SNX24: variants seen among roughly 807,000 people sequenced by gnomAD.
SNX24 encodes sorting nexin 24, also known as sorting nexin-24.
In SNX24, 22 loss-of-function variants were observed where a neutral mutation model predicts 28.7. That is an observed-to-expected ratio of 0.77 (90% CI 0.55 to 1.10). The LOEUF is 1.10. Ranked by LOEUF, SNX24 falls within the 50% of genes least tolerant of loss-of-function variation. The probability of loss-of-function intolerance (pLI) is 0.00; values close to 1 mark genes in which losing one functional copy is unlikely to be tolerated. For missense variants in SNX24, 221 were observed against 201.1 expected, an observed-to-expected ratio of 1.10 and a Z score of -0.60; for synonymous variants, 69 against 71.5, an observed-to-expected ratio of 0.96 and a Z score of 0.18.
intron 1 of SNX24, among the ~76,000 whole-genome samples, chr5:122,856,989 C>T (rs1437188445): frequency 6.6e-6 from 1 of 151,798 alleles, no homozygotes; most frequent in Non-Finnish European, 1.5e-5. Context: ...GATGATATGT[C>T]ATTGTTGTTT....
chr5:122,957,036 G>C (rs1332873139), intron 3 of SNX24, among the ~76,000 whole-genome samples: 1 of 152,038 alleles, frequency 6.6e-6, no homozygotes, highest in Non-Finnish European at 1.5e-5. Flanking sequence ...CCATTTGTCT[G>C]TTTTTTCTTT....
intron 1 of SNX24, among the ~76,000 whole-genome samples, chr5:122,876,522 G>A (rs777481002): frequency 2.6e-5 from 4 of 152,164 alleles, no homozygotes; most frequent in Non-Finnish European, 4.4e-5. Context: ...GAAGCAAAGC[G>A]TTTATGTTTA....
At chr5:122,907,442 G>A (rs1324756610) in intron 1 of SNX24, among the ~76,000 whole-genome samples, 1 of 152,166 alleles carries the variant, frequency 6.6e-6, no homozygotes, top group Admixed American at 6.5e-5. Flanking sequence ...ACGGCCCTCA[G>A]GGTAAAGTTT....
At chr5:123,014,333 A>AT (rs70988553) in intron 5 of SNX24, among the ~76,000 whole-genome samples, 12,213 of 76,904 alleles carry the variant, frequency 0.16, 2,529 homozygotes, top group African/African-American at 0.21. Flanking sequence ...TGCCCAGCTG[A>AT]TTTTTTTTTT....
At chr5:122,958,651 A>T (rs958350521) in intron 3 of SNX24, among the ~76,000 whole-genome samples, 1 of 152,040 alleles carries the variant, frequency 6.6e-6, no homozygotes, top group African/African-American at 2.4e-5. Context: ...TTATATGTAG[A>T]ACCATCCTTG....
At chr5:122,858,127 T>C (rs1234062007) in intron 1 of SNX24, among the ~76,000 whole-genome samples, 1 of 152,226 alleles carries the variant, frequency 6.6e-6, no homozygotes, top group African/African-American at 2.4e-5. Context: ...CTATTGTGGA[T>C]AGCCAGCACC....
intron 1 of SNX24, among the ~76,000 whole-genome samples, chr5:122,925,111 C>G (rs139887596): frequency 0.035 from 4,866 of 139,132 alleles, 143 homozygotes; most frequent in East Asian, 0.078. Flanking sequence ...TCTCTCTTCC[C>G]TTCCCCTTTC....
At chr5:122,914,826 G>A (rs1279727913) in intron 1 of SNX24, among the ~76,000 whole-genome samples, 1 of 151,976 alleles carries the variant, frequency 6.6e-6, no homozygotes, top group African/African-American at 2.4e-5. Context: ...TATCAATTTT[G>A]TTGATCCTTT....
intron 2 of SNX24, among the ~76,000 whole-genome samples, chr5:122,942,743 G>A (rs533713496): frequency 5.9e-5 from 9 of 152,210 alleles, no homozygotes; most frequent in South Asian, 2.1e-4. Context: ...GTTAATCATC[G>A]GATGAAGTGA....
chr5:122,934,073 G>T (rs1401327889), intron 1 of SNX24, among the ~76,000 whole-genome samples: 1 of 152,122 alleles, frequency 6.6e-6, no homozygotes, highest in Non-Finnish European at 1.5e-5. Flanking sequence ...GTCTTGTTCA[G>T]TGCTGAATCC....
chr5:122,894,651 A>C (rs960504860), intron 1 of SNX24, among the ~76,000 whole-genome samples: 2 of 152,238 alleles, frequency 1.3e-5, no homozygotes, highest in Non-Finnish European at 2.9e-5. Context: ...GCATTGTCTT[A>C]GGACTGCTAG....
chr5:122,877,546 A>T (rs1756279747), intron 1 of SNX24, among the ~76,000 whole-genome samples: 1 of 152,068 alleles, frequency 6.6e-6, no homozygotes, highest in African/African-American at 2.4e-5. Flanking sequence ...TAAAAAGATA[A>T]ATAAAAAATA....
rs142271557 is a variant in SNX24, at chr5:123,001,243, G to A, written c.345-162G>A. Among the ~76,000 whole-genome samples, 7 of 152,284 alleles carry A rather than the reference G, an allele frequency of 4.6e-5. No homozygotes were observed. In the East Asian group the frequency reaches 5.8e-4, roughly 13 times the overall value. On this transcript the variant is annotated intron_variant, in intron 4 of 6. Coordinates refer to ENST00000261369, the MANE Select transcript of SNX24 (RefSeq NM_014035.4). ...TTCCAGTCTTCAGATTCCTTAGAAT[G>A]GGGCATAGCCATGCTGTGGCTCAGT...
intron 3 of SNX24, among the ~76,000 whole-genome samples, chr5:122,990,341 T>A (rs1440096953): frequency 6.6e-6 from 1 of 152,194 alleles, no homozygotes; most frequent in Non-Finnish European, 1.5e-5. Context: ...TAAAATGGTG[T>A]TGGAAGTCTT....
chr5:122,986,756 T>C (rs539101150), intron 3 of SNX24, among the ~76,000 whole-genome samples: 1 of 149,804 alleles, frequency 6.7e-6, no homozygotes, highest in Non-Finnish European at 1.5e-5. Context: ...TTTTTCCTGT[T>C]GTTTTATAGT....
intron 3 of SNX24, among the ~76,000 whole-genome samples, chr5:122,992,797 T>C (rs879125528): frequency 3.3e-5 from 5 of 152,218 alleles, no homozygotes; most frequent in Admixed American, 3.3e-4. Flanking sequence ...CCCAGCATAA[T>C]GCTTGTAGTT....
intron 1 of SNX24, among the ~76,000 whole-genome samples, chr5:122,904,473 A>G (rs977315581): frequency 2.0e-5 from 3 of 151,036 alleles, no homozygotes; most frequent in African/African-American, 7.3e-5. Context: ...GTGAGCCACC[A>G]CTCCCGGCCT....
intron 1 of SNX24, among the ~76,000 whole-genome samples, chr5:122,900,890 T>C (rs1021708093): frequency 5.9e-5 from 9 of 152,196 alleles, no homozygotes; most frequent in Non-Finnish European, 1.0e-4. Context: ...GAGGGAAAAA[T>C]GATTTATATG....
rs76994148 is a variant in SNX24, at chr5:123,004,151, G to T, written c.442+2147G>T. 5.4e-3 allele frequency among the ~76,000 whole-genome samples: 828 copies of T among 152,282 alleles called. 3 individuals carry two copies. Among genetic ancestry groups the T allele is most frequent in the Middle Eastern group, 0.01 (3 of 294 alleles). On this transcript the variant is annotated intron_variant, in intron 6 of 6. Transcript: ENST00000261369. ...CCCCTACAAAGTCAGAGGAGTGTCT[G>T]TCTTCAAAGATCTGACATTTAAGCA...
Sources: gnomAD v4.1 joint callset for allele counts (sites outside exome capture counted in the v4.1 genomes callset) on GRCh38, gnomAD v4.1.1 for gene constraint, MANE v1.5 for transcripts, NCBI Gene and HGNC (gene_info 2026-07-23, HGNC 2026-07-21) for gene names.